Variants in PDLIM4 observed in about 807,000 individuals in gnomAD.
PDLIM4 encodes PDZ and LIM domain protein 4.
PDLIM4 carries 19 observed loss-of-function variants against 31.3 expected under a neutral mutation model. That is an observed-to-expected ratio of 0.61 (90% confidence interval 0.42 to 0.89). The LOEUF (loss-of-function observed/expected upper bound fraction) is 0.89. PDLIM4 is among the 40% of genes least tolerant of loss of function. PDLIM4 has a pLI of 0.00. For missense variants in PDLIM4, 442 were observed against 461.1 expected (o/e 0.96, Z 0.38); for synonymous variants, 176 against 190.1 (o/e 0.93, Z 0.61).
chr5:132,261,467 T>C (rs1446865504), intron 1 of PDLIM4: 1 of 152,188 alleles, frequency 6.6e-6, no homozygotes, highest in African/African-American at 2.4e-5. Flanking sequence ...TTCCCACCAG[T>C]AGGAGCTCCC....
At chr5:132,266,363 C>G in intron 2 of PDLIM4, 101 bp from the exon 3 acceptor site, 1 of 719,044 alleles carries the variant, frequency 1.4e-6, no homozygotes, top group East Asian at 2.6e-5. Context: ...TGTTCTTCTA[C>G]CTGCAGGGCA....
At chr5:132,263,799 G>A (rs1343963462) in intron 2 of PDLIM4, among the ~76,000 whole-genome samples, 1 of 152,214 alleles carries the variant, frequency 6.6e-6, no homozygotes, top group African/African-American at 2.4e-5. Flanking sequence ...AAACATGGTG[G>A]AGAGGCCTGT....
In PDLIM4 at chr5:132,271,028, C is replaced by A. The variant is rs1348921247; in HGVS notation, c.441C>A (p.His147Gln). Residue 147 changes from histidine to glutamine, a missense_variant, in exon 4 of 7, where the codon CAC (histidine) becomes CAA (glutamine). His to Gln is a conservative substitution (Grantham distance 24, BLOSUM62 0). Coordinates refer to ENST00000253754, the MANE Select transcript of PDLIM4 (RefSeq NM_003687.4). ...YGQPPRFPVPHNGSSEATLPA... is the reference protein window; with the variant it reads ...YGQPPRFPVPQNGSSEATLPA... ...AACCCCCTCGCTTTCCAGTCCCTCA[C>A]AATGGCAGCAGCGAGGCCACCCTGC... 6.2e-7 allele frequency: 1 copy of A among 1,614,152 alleles called. No individual in the cohort carries two copies. The highest frequency in any genetic ancestry group is 1.7e-5 in the Admixed American group (1 of 60,022).
At position 132,272,629 on chromosome 5, in the gene PDLIM4, CAA is replaced by C; in HGVS notation, c.*402_*403del. ...TGAGAACTAAGAGATGAGGGAGGCA[CAA>C]ACTCTGCACGGGGGAACTGTGTGTG... On this transcript the variant is annotated 3_prime_UTR_variant, in exon 7 of 7. Transcript: ENST00000253754. The C allele has an allele frequency of 3.4e-6, 1 of 294,752 alleles. No individual in the cohort carries two copies. The highest frequency in any genetic ancestry group is 6.7e-6 in the Non-Finnish European group (1 of 148,972). The allele number at this position is 294,752 out of a possible 1,614,324, so 18.3% of individuals were successfully genotyped here.
chr5:132,264,704 A>G (rs191400715), intron 2 of PDLIM4, among the ~76,000 whole-genome samples: 181 of 151,934 alleles, frequency 1.2e-3, no homozygotes, highest in African/African-American at 4.1e-3. Flanking sequence ...TCTGCTCCCT[A>G]TCTTGCCTGC....
rs377735441 is a variant in PDLIM4, at chr5:132,272,107, C to A, written c.871C>A (p.Arg291Ser). 1 of 1,614,102 alleles carries A rather than the reference C, an allele frequency of 6.2e-7. No individual in the cohort carries two copies. Among genetic ancestry groups the A allele is most frequent in the Non-Finnish European group, 8.5e-7 (1 of 1,180,018 alleles). Residue 291 changes from arginine (R) to serine (S), a missense_variant, in exon 7 of 7, where the codon CGT becomes AGT. Coordinates refer to ENST00000253754, the MANE Select transcript of PDLIM4 (RefSeq NM_003687.4). ...CSDCGLNLKQ[R>S]GYFFLDERLY... is the part of the protein sequence containing the mutation. ...TGACTGCGGCCTGAACCTCAAGCAGCGTGGTTACTTCTTTCTGGACGAGCG... is the reference window on the plus strand; with the variant it reads ...TGACTGCGGCCTGAACCTCAAGCAGAGTGGTTACTTCTTTCTGGACGAGCG...
intron 5 of PDLIM4, 122 bp downstream of exon 5, chr5:132,271,588 C>T (rs1457542007): frequency 2.7e-6 from 3 of 1,127,134 alleles, no homozygotes; most frequent in South Asian, 1.3e-5. Flanking sequence ...GCGGCCCGGT[C>T]CCACGCCCTT....
Position 132,266,560 on chromosome 5 carries a change from TGCCTG to T in PDLIM4, c.327+28_327+32del. The T allele has an allele frequency of 1.3e-6, 2 of 1,587,808 alleles. No individual in the cohort carries two copies. The highest frequency in any genetic ancestry group is 1.7e-6 in the Non-Finnish European group (2 of 1,157,924). ...CTGAGATCCAGGTATGTACAGACAC[TGCCTG>T]GCCTGGCCTGGCTCAGAGTGAGCCC... On this transcript the variant is annotated intron_variant, in intron 3 of 6. Transcript: ENST00000253754.
At chr5:132,268,385 G>A (rs980828402) in intron 3 of PDLIM4, among the ~76,000 whole-genome samples, 1 of 152,182 alleles carries the variant, frequency 6.6e-6, no homozygotes, top group African/African-American at 2.4e-5. Context: ...GCTAGCTGGA[G>A]CCATCGAGGA....
intron 3 of PDLIM4, among the ~76,000 whole-genome samples, chr5:132,267,243 T>TGG (rs1756511118): frequency 6.6e-6 from 1 of 152,158 alleles, no homozygotes; most frequent in Non-Finnish European, 1.5e-5. Context: ...GCCAGAACCA[T>TGG]GGGACCCAGC....
In PDLIM4 at chr5:132,257,763, CT is replaced by C; in HGVS notation, c.31del (p.Ser11ArgfsTer38). The C allele has an allele frequency of 6.7e-7, 1 of 1,501,812 alleles. No individual in the cohort carries two copies. The allele number at this position is 1,501,812 out of a possible 1,614,324, so 93.0% of individuals were successfully genotyped here. A position where few individuals can be genotyped will look rare whatever the true frequency, so the allele number is the denominator to read the frequency against. On this transcript the variant is annotated frameshift_variant, in exon 1 of 7. Coordinates refer to ENST00000253754, the MANE Select transcript of PDLIM4 (RefSeq NM_003687.4). LOFTEE classifies it high-confidence loss of function. This position sits in a 1 kb window ranked among gnomAD's most constrained non-coding sequence, Gnocchi z 4.3. Reference protein sequence around the residue: MPHSVTLRGPSPWGFRLVGG... With the variant: MPHSVTLRGXSPWGFRLVGG... Reference sequence around the variant, plus strand: ...CCCCATTCCGTGACCCTGCGCGGGCCTTCGCCCTGGGGCTTCCGCCTGGTGG... The same window carrying C: ...CCCCATTCCGTGACCCTGCGCGGGCCTCGCCCTGGGGCTTCCGCCTGGTGG...
chr5:132,271,648 T>A (rs758855802), intron 5 of PDLIM4, 143 bp from the exon 6 acceptor site: 18 of 919,646 alleles, frequency 2.0e-5, no homozygotes, highest in Non-Finnish European at 3.2e-5. Context: ...CCACCCCCTG[T>A]CGCTGCCCCT....
intron 3 of PDLIM4, among the ~76,000 whole-genome samples, chr5:132,269,413 C>T (rs1180583344): frequency 1.3e-5 from 2 of 151,028 alleles, no homozygotes; most frequent in Non-Finnish European, 2.9e-5. Context: ...CATGCTTGCC[C>T]GACAGACACA....
intron 1 of PDLIM4, among the ~76,000 whole-genome samples, chr5:132,258,974 G>A (rs1197165652): frequency 6.6e-6 from 1 of 152,142 alleles, no homozygotes; most frequent in African/African-American, 2.4e-5. Flanking sequence ...GGTGGAGCGT[G>A]GAATCATGGA....
intron 3 of PDLIM4, 41 bp downstream of exon 3, chr5:132,266,586 A>T: frequency 7.2e-7 from 1 of 1,391,410 alleles, no homozygotes; most frequent in Non-Finnish European, 1.0e-6. Flanking sequence ...GCTCAGAGTG[A>T]GCCCAGGGCA....
chr5:132,268,823 C>T lies in PDLIM4; in HGVS notation c.328-2092C>T, dbSNP rs78485904. ...GTGTCCCAAAGCAGGTAGTTACCCC[C>T]ATCCTGCTGAAAAATCCACTGAGGC... On this transcript the variant is annotated intron_variant, in intron 3 of 6. Transcript: ENST00000253754. Among the ~76,000 whole-genome samples, 4 of 152,284 alleles carry T rather than the reference C, an allele frequency of 2.6e-5. No homozygotes were observed. The East Asian group carries it at 7.7e-4, about 29-fold the overall frequency.
chr5:132,267,458 G>T (rs1357685310), intron 3 of PDLIM4, among the ~76,000 whole-genome samples: 1 of 152,230 alleles, frequency 6.6e-6, no homozygotes, highest in Non-Finnish European at 1.5e-5. Context: ...CACCTTCCAG[G>T]CAGTGCCCAT....
intron 3 of PDLIM4, 146 bp from the exon 4 acceptor site, chr5:132,270,769 C>A: frequency 1.4e-6 from 1 of 711,612 alleles, no homozygotes; most frequent in Non-Finnish European, 2.5e-6. Flanking sequence ...CCTTCCCTGG[C>A]TGAGCACCAC....
chr5:132,259,378 C>A (rs1240441318), intron 1 of PDLIM4, among the ~76,000 whole-genome samples: 1 of 152,130 alleles, frequency 6.6e-6, no homozygotes, highest in Non-Finnish European at 1.5e-5. Context: ...CACGTCACAG[C>A]TGCGGCTGCG....
Sources: gnomAD v4.1 joint callset for allele counts (sites outside exome capture counted in the v4.1 genomes callset) on GRCh38, gnomAD v4.1.1 for gene constraint, Gnocchi (gnomAD v3.1) non-coding constraint, MANE v1.5 for transcripts, NCBI Gene and HGNC (gene_info 2026-07-23, HGNC 2026-07-21) for gene names.